UBE2H: variants seen among roughly 807,000 people sequenced by gnomAD.
The protein encoded by UBE2H is ubiquitin conjugating enzyme E2 H.
In UBE2H, 3 loss-of-function variants were observed where a neutral mutation model predicts 29.0. The observed-to-expected ratio is 0.10, with a 90% CI of 0.05 to 0.27. UBE2H has a LOEUF of 0.27. Ranked by LOEUF, UBE2H falls within the 10% of genes least tolerant of loss-of-function variation. The probability of loss-of-function intolerance (pLI) is 1.00; values close to 1 mark genes in which losing one functional copy is unlikely to be tolerated. For synonymous variants in UBE2H, 69 were observed against 82.9 expected (o/e 0.83, Z 0.91); for missense variants, 68 against 228.2 (o/e 0.30, Z 4.52).
At chr7:129,859,533 C>T (rs1045837646) in intron 3 of UBE2H, among the ~76,000 whole-genome samples, 19 of 152,086 alleles carry the variant, frequency 1.2e-4, no homozygotes, top group Non-Finnish European at 1.5e-5. Context: ...AAAATTGGGG[C>T]AACCAAGCAA....
chr7:129,842,551 T>C (rs1432421241), intron 5 of UBE2H, among the ~76,000 whole-genome samples: 1 of 152,258 alleles, frequency 6.6e-6, no homozygotes, highest in East Asian at 1.9e-4. Context: ...TTCTTATCTT[T>C]ATCCTTGGGT....
At chr7:129,919,969 TA>T (rs1203993062) in intron 1 of UBE2H, among the ~76,000 whole-genome samples, 11 of 152,222 alleles carry the variant, frequency 7.2e-5, no homozygotes, top group Non-Finnish European at 1.6e-4. Flanking sequence ...GTGAGTTTGG[TA>T]AAATTACTTT....
intron 1 of UBE2H, among the ~76,000 whole-genome samples, chr7:129,918,545 TAG>T (rs770606783): frequency 1.3e-5 from 2 of 152,144 alleles, no homozygotes; most frequent in Non-Finnish European, 2.9e-5. Context: ...TTTATTAAAA[TAG>T]AGACAGGGTT....
chr7:129,890,966 C>T (rs559992014), intron 1 of UBE2H, among the ~76,000 whole-genome samples: 1 of 151,764 alleles, frequency 6.6e-6, no homozygotes, highest in African/African-American at 2.4e-5. Flanking sequence ...AACCCCGTCT[C>T]TACTAAAAAT....
At chr7:129,840,593 C>T (rs1805411355) in intron 5 of UBE2H, among the ~76,000 whole-genome samples, 1 of 151,196 alleles carries the variant, frequency 6.6e-6, no homozygotes, top group Non-Finnish European at 1.5e-5. Flanking sequence ...CTGGGTATAA[C>T]ACAACCCACA....
intron 3 of UBE2H, among the ~76,000 whole-genome samples, chr7:129,867,694 T>A (rs1246376446): frequency 9.7e-4 from 35 of 35,982 alleles, no homozygotes; most frequent in Admixed American, 2.1e-3. Context: ...AAACTTAGAG[T>A]ATAATAAAAA....
At chr7:129,835,817 C>T (rs1336663776) in intron 6 of UBE2H, among the ~76,000 whole-genome samples, 1 of 152,164 alleles carries the variant, frequency 6.6e-6, no homozygotes, top group African/African-American at 2.4e-5. Flanking sequence ...ATGACAGAAA[C>T]CTATTCAAAA....
At chr7:129,920,088 T>C (rs1807125962) in intron 1 of UBE2H, among the ~76,000 whole-genome samples, 1 of 152,236 alleles carries the variant, frequency 6.6e-6, no homozygotes. Context: ...AATATTGTCC[T>C]GATCAGCTTA....
intron 1 of UBE2H, among the ~76,000 whole-genome samples, chr7:129,931,076 G>T (rs1296459930): frequency 6.6e-6 from 1 of 151,836 alleles, no homozygotes; most frequent in Non-Finnish European, 1.5e-5. Context: ...AAATTAGCTG[G>T]GCGTGGTGGT....
chr7:129,893,543 A>G (rs1806542874), intron 1 of UBE2H, among the ~76,000 whole-genome samples: 2 of 152,210 alleles, frequency 1.3e-5, no homozygotes, highest in Admixed American at 1.3e-4. Flanking sequence ...GAGAGAGAAA[A>G]GTGAAGGGAA....
intron 1 of UBE2H, among the ~76,000 whole-genome samples, chr7:129,902,715 A>G (rs907618868): frequency 3.3e-5 from 5 of 152,178 alleles, no homozygotes; most frequent in African/African-American, 1.2e-4. Flanking sequence ...CATTTTAACA[A>G]GAGTCCCCAG....
At chr7:129,896,803 C>T (rs2727480) in intron 1 of UBE2H, among the ~76,000 whole-genome samples, 146,527 of 152,312 alleles carry the variant, frequency 0.96, 70,648 homozygotes, top group East Asian at 1. Flanking sequence ...AGTCAGTGCA[C>T]AAAAATCTCT....
chr7:129,854,314 T>C (rs1231494545), intron 5 of UBE2H, among the ~76,000 whole-genome samples: 1 of 152,222 alleles, frequency 6.6e-6, no homozygotes, highest in African/African-American at 2.4e-5. Flanking sequence ...TAATTGTATT[T>C]ACCTGTTCCT....
At chr7:129,836,055 A>C (rs1805319272) in intron 6 of UBE2H, among the ~76,000 whole-genome samples, 1 of 152,214 alleles carries the variant, frequency 6.6e-6, no homozygotes, top group African/African-American at 2.4e-5. Context: ...TCCTTTACAG[A>C]AAAGGTTTGC....
chr7:129,870,013 T>A (rs1805996486), intron 3 of UBE2H, among the ~76,000 whole-genome samples: 1 of 152,202 alleles, frequency 6.6e-6, no homozygotes, highest in Non-Finnish European at 1.5e-5. Context: ...CTCCTCTAGT[T>A]CTTTCACTAA....
intron 1 of UBE2H, among the ~76,000 whole-genome samples, chr7:129,930,871 G>A (rs1340246002): frequency 6.5e-5 from 8 of 122,284 alleles, no homozygotes; most frequent in African/African-American, 2.5e-4. Context: ...TCGCCCCACT[G>A]CACTCCAGCC....
At chr7:129,843,842 C>G (rs1805468871) in intron 5 of UBE2H, among the ~76,000 whole-genome samples, 1 of 152,168 alleles carries the variant, frequency 6.6e-6, no homozygotes, top group Non-Finnish European at 1.5e-5. Flanking sequence ...GGATTAGCAG[C>G]TGGATGCTAT....
intron 5 of UBE2H, among the ~76,000 whole-genome samples, chr7:129,853,934 C>A (rs1488156047): frequency 6.6e-6 from 1 of 152,124 alleles, no homozygotes; most frequent in Non-Finnish European, 1.5e-5. Context: ...ACTCCCTGCT[C>A]CCTCATCGAA....
At chr7:129,899,855 C>T (rs760533235) in intron 1 of UBE2H, among the ~76,000 whole-genome samples, 1 of 152,198 alleles carries the variant, frequency 6.6e-6, no homozygotes, top group Non-Finnish European at 1.5e-5. Flanking sequence ...GGGCTGGACA[C>T]CATGGCTCAC....
Sources: allele counts gnomAD v4.1 joint callset (sites outside exome capture counted in the v4.1 genomes callset), GRCh38; gene constraint gnomAD v4.1.1; transcripts MANE v1.5; gene names NCBI Gene and HGNC (gene_info 2026-07-23, HGNC 2026-07-21).